The following HPSE2 variants were observed in gnomAD, a reference collection of about 807,000 sequenced individuals.
HPSE2 encodes the protein heparanase 2 (inactive), also known as inactive heparanase-2.
A neutral mutation model predicts 60.5 loss-of-function variants in HPSE2; 38 were observed. The ratio of observed to expected loss-of-function variants is 0.63; its 90% CI spans 0.48 to 0.82. HPSE2 has a LOEUF of 0.82. Ranked by LOEUF, HPSE2 falls within the 40% of genes least tolerant of loss-of-function variation. The probability of loss-of-function intolerance (pLI) is 0.00; values close to 1 mark genes in which losing one functional copy is unlikely to be tolerated. For missense variants in HPSE2, 713 were observed against 740.4 expected (o/e 0.96, Z 0.43); for synonymous variants, 295 against 293.2 (o/e 1.01, Z -0.06).
chr10:98,801,511 C>T (rs976661262), intron 3 of HPSE2, among the ~76,000 whole-genome samples: 3 of 151,938 alleles, frequency 2.0e-5, no homozygotes, highest in African/African-American at 7.2e-5. Context: ...TTGCAGGATA[C>T]AAAATCAACA....
intron 3 of HPSE2, among the ~76,000 whole-genome samples, chr10:99,117,004 AAAAG>A (rs1291755006): frequency 6.6e-6 from 1 of 152,152 alleles, no homozygotes; most frequent in Admixed American, 6.5e-5. Flanking sequence ...TGAGAACAAA[AAAAG>A]AAAGAAAGCG....
intron 3 of HPSE2, among the ~76,000 whole-genome samples, chr10:98,906,720 T>A (rs1953827087): frequency 6.6e-6 from 1 of 152,082 alleles, no homozygotes; most frequent in Admixed American, 6.6e-5. Context: ...TCTGGTCAAC[T>A]TGGTTAAACC....
At chr10:99,011,522 C>A (rs781584493) in intron 3 of HPSE2, among the ~76,000 whole-genome samples, 1 of 151,978 alleles carries the variant, frequency 6.6e-6, no homozygotes, top group Non-Finnish European at 1.5e-5. Flanking sequence ...CTTTGGGAGG[C>A]TGAGGCAGGC....
chr10:98,529,074 GCA>G (rs894337551), intron 9 of HPSE2, among the ~76,000 whole-genome samples: 39 of 152,312 alleles, frequency 2.6e-4, no homozygotes, highest in Middle Eastern at 3.4e-3. Flanking sequence ...GCGCACGCGC[GCA>G]CACACACAGA....
chr10:98,934,221 T>A (rs573293546), intron 3 of HPSE2, among the ~76,000 whole-genome samples: 1 of 144,308 alleles, frequency 6.9e-6, no homozygotes, highest in Non-Finnish European at 1.5e-5. Flanking sequence ...GTCTTCTCTT[T>A]GTATCCAGCT....
intron 3 of HPSE2, among the ~76,000 whole-genome samples, chr10:98,918,482 C>T (rs377528863): frequency 6.4e-4 from 97 of 150,640 alleles, no homozygotes; most frequent in Non-Finnish European, 9.2e-4. Context: ...ATATACACCA[C>T]GGAATACTAT....
At chr10:98,985,143 C>A (rs571165734) in intron 3 of HPSE2, among the ~76,000 whole-genome samples, 1 of 152,234 alleles carries the variant, frequency 6.6e-6, no homozygotes, top group African/African-American at 2.4e-5. Context: ...ACAGAGAACG[C>A]CACAAAGATA....
chr10:98,975,535 T>TTGC (rs1956063813), intron 3 of HPSE2, among the ~76,000 whole-genome samples: 1 of 152,140 alleles, frequency 6.6e-6, no homozygotes, highest in African/African-American at 2.4e-5. Flanking sequence ...ACTGCAACAG[T>TTGC]TGCTGAGATT....
chr10:98,698,008 C>T lies in HPSE2; in HGVS notation c.957-4061G>A, dbSNP rs570497407. On this transcript the variant is annotated intron_variant, in intron 5 of 11. Transcript: ENST00000370552. The stretch of plus-strand genomic sequence containing the variant: ...CATAAAGCAAGTCCTGAGTGACCTA[C>T]AAAGAGACTTAGACTCCCACACAAT... Among the ~76,000 whole-genome samples the T allele has an allele frequency of 3.2e-4, 47 of 148,178 alleles. 2 individuals carry two copies. In the South Asian group the frequency reaches 0.011, roughly 34 times the overall value.
chr10:98,781,879 T>TA (rs1950479715), intron 3 of HPSE2, among the ~76,000 whole-genome samples: 1 of 150,044 alleles, frequency 6.7e-6, no homozygotes, highest in Admixed American at 6.7e-5. Flanking sequence ...TGTACAAAGA[T>TA]TTATATATAT....
chr10:98,544,695 A>G (rs1943599814), intron 9 of HPSE2, among the ~76,000 whole-genome samples: 1 of 110,672 alleles, frequency 9.0e-6, no homozygotes, highest in African/African-American at 3.4e-5. Context: ...CCTGGGCGAC[A>G]GAGCGAGACT....
chr10:99,196,814 T>C (rs1848415934), intron 2 of HPSE2, among the ~76,000 whole-genome samples: 1 of 152,146 alleles, frequency 6.6e-6, no homozygotes, highest in South Asian at 2.1e-4. Flanking sequence ...GTTTAGAGGT[T>C]CCTCAAAAAA....
intron 5 of HPSE2, among the ~76,000 whole-genome samples, chr10:98,710,238 T>C (rs1948643769): frequency 6.6e-6 from 1 of 152,158 alleles, no homozygotes; most frequent in South Asian, 2.1e-4. Flanking sequence ...TCTCTCTCTC[T>C]TTCTCCCTTT....
intron 6 of HPSE2, among the ~76,000 whole-genome samples, chr10:98,692,848 G>C (rs1368864382): frequency 6.6e-6 from 1 of 152,198 alleles, no homozygotes; most frequent in Admixed American, 6.5e-5. Context: ...AGGGAACTTA[G>C]TATAAATGTA....
At chr10:98,520,914 T>C (rs937405226) in intron 9 of HPSE2, among the ~76,000 whole-genome samples, 2 of 152,012 alleles carry the variant, frequency 1.3e-5, no homozygotes, top group East Asian at 3.9e-4. Flanking sequence ...TAATAAATGG[T>C]GTGGGGAAAA....
intron 3 of HPSE2, chr10:99,048,017 A>G: frequency 1.4e-6 from 1 of 690,378 alleles, no homozygotes; most frequent in Non-Finnish European, 2.6e-6. Context: ...GAAGCTCAAC[A>G]AGGCTGCAAT....
rs1201797844 is a variant in HPSE2 at position 98,679,856 on chromosome 10, A to AT, written c.1004+14043dup. Among the ~76,000 whole-genome samples the AT allele has an allele frequency of 5.3e-3, 783 of 148,886 alleles. 12 individuals are homozygous for AT. Among genetic ancestry groups the AT allele is most frequent in the African/African-American group, 0.018 (745 of 40,632 alleles). On this transcript the variant is annotated intron_variant, in intron 6 of 11. Transcript: ENST00000370552. ...ACATGCACGCCACCACACCCGGCTA[A>AT]TTTTTTTTTTATTGTTTTTGTAAAG...
chr10:99,167,647 T>C (rs774463254), intron 2 of HPSE2, among the ~76,000 whole-genome samples: 4 of 152,246 alleles, frequency 2.6e-5, no homozygotes, highest in Admixed American at 2.6e-4. Flanking sequence ...ATGAATACCA[T>C]ACTCCCTTGA....
chr10:98,894,190 A>G (rs1421439568), intron 3 of HPSE2, among the ~76,000 whole-genome samples: 1 of 152,166 alleles, frequency 6.6e-6, no homozygotes, highest in African/African-American at 2.4e-5. Flanking sequence ...GAAGAAAACA[A>G]TCCTTCAGTT....
Sources: gnomAD v4.1 joint callset for allele counts (sites outside exome capture counted in the v4.1 genomes callset) on GRCh38, gnomAD v4.1.1 for gene constraint, MANE v1.5 for transcripts, NCBI Gene and HGNC (gene_info 2026-07-23, HGNC 2026-07-21) for gene names.